HNRNPUL1: variants seen among roughly 807,000 people sequenced by gnomAD.
HNRNPUL1 encodes the protein heterogeneous nuclear ribonucleoprotein U like 1, also known as heterogeneous nuclear ribonucleoprotein U-like protein 1.
HNRNPUL1 carries 14 observed loss-of-function variants against 108.5 expected under a neutral mutation model. The observed-to-expected ratio is 0.13, with a 90% CI of 0.09 to 0.20. The LOEUF (loss-of-function observed/expected upper bound fraction) is 0.20, where lower values mean the gene tolerates loss of function less well. HNRNPUL1 is among the 10% of genes least tolerant of loss of function. The probability of loss-of-function intolerance (pLI) is 1.00; values close to 1 mark genes in which losing one functional copy is unlikely to be tolerated. For synonymous variants in HNRNPUL1, 422 were observed against 445.2 expected, an observed-to-expected ratio of 0.95 and a Z score of 0.66; for missense variants, 804 against 1,168.3, an observed-to-expected ratio of 0.69 and a Z score of 4.55.
intron 11 of HNRNPUL1, among the ~76,000 whole-genome samples, chr19:41,301,995 G>A (rs1258031720): frequency 6.6e-6 from 1 of 152,150 alleles, no homozygotes; most frequent in Non-Finnish European, 1.5e-5. Context: ...GGTCCCAGAT[G>A]GGCTGACTGT....
chr19:41,302,214 GTT>G (rs58368849), intron 11 of HNRNPUL1, among the ~76,000 whole-genome samples: 5 of 92,426 alleles, frequency 5.4e-5, no homozygotes, highest in Admixed American at 1.2e-4. Context: ...CTCTCTCTCT[GTT>G]TTTTTTTTTT....
intron 11 of HNRNPUL1, 138 bp from the exon 12 acceptor site, chr19:41,302,527 A>C (rs11881940): frequency 2.7e-6 from 3 of 1,129,594 alleles, no homozygotes; most frequent in Non-Finnish European, 2.7e-6. Context: ...CCTTCTGTCT[A>C]TGTCTTTCTT....
At chr19:41,305,920 C>G in intron 14 of HNRNPUL1, 53 bp downstream of exon 14, 1 of 1,236,958 alleles carries the variant, frequency 8.1e-7, no homozygotes, top group Non-Finnish European at 1.2e-6. Flanking sequence ...TGGGCCCCTC[C>G]TGGGTGTGTA....
chr19:41,269,995 T>C (rs943778825), intron 2 of HNRNPUL1, among the ~76,000 whole-genome samples: 27 of 152,134 alleles, frequency 1.8e-4, no homozygotes, highest in South Asian at 4.1e-4. Context: ...TCTTTTTTTT[T>C]TTTTGAGACG....
At chr19:41,271,463 A>G (rs1367275881) in intron 2 of HNRNPUL1, among the ~76,000 whole-genome samples, 2 of 152,170 alleles carry the variant, frequency 1.3e-5, no homozygotes, top group African/African-American at 4.8e-5. Context: ...GAGTGATCCA[A>G]AATGGTCTGG....
In HNRNPUL1 at chr19:41,302,200, TTCTC is replaced by T. The variant is rs1022045146; in HGVS notation, c.1688-455_1688-452del. On this transcript the variant is annotated intron_variant, in intron 11 of 14. Transcript: ENST00000392006. ...AGGGGTTGGGGCTTTGTCTACCTCT[TTCTC>T]TCTCTCTCTGTTTTTTTTTTTTTTT... Among the ~76,000 whole-genome samples, 9 of 112,192 alleles carry T rather than the reference TTCTC, an allele frequency of 8.0e-5. No individual in the cohort carries two copies. In the East Asian group the frequency reaches 1.5e-3, roughly 18 times the overall value. The allele number at this position is 112,192 out of a possible 152,430, so 73.6% of individuals were successfully genotyped here. A position where few individuals can be genotyped will look rare whatever the true frequency, so the allele number is the denominator to read the frequency against.
chr19:41,266,493 A>G (rs1348403611), intron 1 of HNRNPUL1, among the ~76,000 whole-genome samples: 2 of 151,868 alleles, frequency 1.3e-5, no homozygotes, highest in East Asian at 1.9e-4. Flanking sequence ...GGGTCTCGCT[A>G]TGTTGCCCAG....
chr19:41,268,634 G>A (rs1292328667), intron 2 of HNRNPUL1, among the ~76,000 whole-genome samples: 3 of 152,064 alleles, frequency 2.0e-5, no homozygotes, highest in Non-Finnish European at 1.5e-5. Context: ...CGAGGCAGGT[G>A]GATCACCTGA....
chr19:41,285,331 A>C (rs993659492), intron 7 of HNRNPUL1, among the ~76,000 whole-genome samples: 3 of 152,106 alleles, frequency 2.0e-5, no homozygotes, highest in Admixed American at 6.6e-5. Context: ...GGTTCAAGCT[A>C]TTCTACCTCA....
chr19:41,302,538 ATTCACTATTCCAGT>A (rs1380419820), intron 11 of HNRNPUL1, 113 bp from the exon 12 acceptor site: 1 of 1,212,206 alleles, frequency 8.2e-7, no homozygotes, highest in Non-Finnish European at 1.2e-6. Flanking sequence ...TGTCTTTCTT[ATTCACTATTCCAGT>A]TTTCTTCACC....
At chr19:41,291,565 G>A (rs1369995150) in intron 7 of HNRNPUL1, among the ~76,000 whole-genome samples, 1 of 152,028 alleles carries the variant, frequency 6.6e-6, no homozygotes, top group Non-Finnish European at 1.5e-5. Flanking sequence ...CAAAGTGATG[G>A]GATTATAGGC....
At chr19:41,277,394 TTA>T (rs1459333860) in intron 5 of HNRNPUL1, among the ~76,000 whole-genome samples, 1 of 152,214 alleles carries the variant, frequency 6.6e-6, no homozygotes, top group Non-Finnish European at 1.5e-5. Flanking sequence ...ACACAGAGGG[TTA>T]TATTTTATTG....
intron 10 of HNRNPUL1, among the ~76,000 whole-genome samples, chr19:41,296,624 G>A (rs1290039180): frequency 6.6e-6 from 1 of 151,684 alleles, no homozygotes; most frequent in African/African-American, 2.4e-5. Flanking sequence ...CTGGGTATGA[G>A]AAAGAGGGAG....
Position 41,307,761 on chromosome 19 carries a change from C to T in HNRNPUL1, c.*1196C>T, listed in dbSNP as rs1473919581. On this transcript the variant is annotated 3_prime_UTR_variant, in exon 15 of 15. Transcript: ENST00000392006. ...CCTCTTTAAAGGGAAATTATTTACTCATTCATTAAACAACTTAACTGAGGG... is the reference window on the plus strand; with the variant it reads ...CCTCTTTAAAGGGAAATTATTTACTTATTCATTAAACAACTTAACTGAGGG... 6.6e-6 allele frequency among the ~76,000 whole-genome samples: 1 copy of T among 152,138 alleles called. No homozygotes were observed. Among genetic ancestry groups the T allele is most frequent in the Non-Finnish European group, 1.5e-5 (1 of 68,018 alleles).
intron 5 of HNRNPUL1, among the ~76,000 whole-genome samples, chr19:41,277,509 T>C (rs1465471438): frequency 6.6e-6 from 1 of 152,222 alleles, no homozygotes; most frequent in Non-Finnish European, 1.5e-5. Context: ...TTTGTTTGTT[T>C]GTTTTTTTGT....
intron 7 of HNRNPUL1, among the ~76,000 whole-genome samples, chr19:41,289,713 C>CTTTT (rs71177710): frequency 3.1e-4 from 37 of 119,892 alleles, no homozygotes; most frequent in African/African-American, 8.9e-4. Context: ...TCTCCATGGT[C>CTTTT]TTTTTTTTTT....
At chr19:41,279,038 A>G (rs2035749162) in intron 5 of HNRNPUL1, 39 bp from the exon 6 acceptor site, 1 of 1,487,000 alleles carries the variant, frequency 6.7e-7, no homozygotes, top group South Asian at 1.1e-5. Flanking sequence ...TACGGCCTCC[A>G]GAGAAGCAAC....
chr19:41,275,632 TC>T (rs2035504333), intron 4 of HNRNPUL1, among the ~76,000 whole-genome samples: 1 of 152,136 alleles, frequency 6.6e-6, no homozygotes, highest in Non-Finnish European at 1.5e-5. Flanking sequence ...GAACCCCAGT[TC>T]CTCTCTGAGG....
rs183722636 is a variant in HNRNPUL1, at chr19:41,296,647, T to C, written c.1518+1961T>C. On this transcript the variant is annotated intron_variant, in intron 10 of 14. Transcript: ENST00000392006. ...GAGAAAGAGGGAGGGGGAAGTTGTG[T>C]GTTTGTGTATAGAGGGTTCAGAGCA... is the stretch of plus-strand genomic sequence containing the variant. Among the ~76,000 whole-genome samples, 24 of 152,298 alleles carry C rather than the reference T, an allele frequency of 1.6e-4. No individual in the cohort carries two copies. In the East Asian group the frequency reaches 4.6e-3, roughly 29 times the overall value.
Sources: gnomAD v4.1 joint callset for allele counts (sites outside exome capture counted in the v4.1 genomes callset) on GRCh38, gnomAD v4.1.1 for gene constraint, MANE v1.5 for transcripts, NCBI Gene and HGNC (gene_info 2026-07-23, HGNC 2026-07-21) for gene names.